PKD1L1: variants seen among roughly 807,000 people sequenced by gnomAD.
The protein encoded by PKD1L1 is polycystin 1 like 1, transient receptor potential channel interacting.
Under a neutral mutation model 323.4 loss-of-function variants are expected in PKD1L1, and 236 were observed. The observed-to-expected ratio is 0.73, with a 90% CI of 0.66 to 0.81. The LOEUF (loss-of-function observed/expected upper bound fraction) is 0.81, where lower values mean the gene tolerates loss of function less well. PKD1L1 is among the 40% of genes least tolerant of loss of function. The pLI, the probability that PKD1L1 is intolerant of heterozygous loss-of-function variation, is 0.00. For missense variants in PKD1L1, 3,320 were observed against 3,508.0 expected (o/e 0.95, Z 1.35); for synonymous variants, 1,344 against 1,335.0 (o/e 1.01, Z -0.15).
At chr7:47,836,347 G>A (rs999808819) in intron 37 of PKD1L1, among the ~76,000 whole-genome samples, 1 of 152,116 alleles carries the variant, frequency 6.6e-6, no homozygotes. Flanking sequence ...TGCATGAATG[G>A]CCATGATGTT....
intron 19 of PKD1L1, among the ~76,000 whole-genome samples, chr7:47,882,835 T>C (rs1009529509): frequency 6.6e-6 from 1 of 151,884 alleles, no homozygotes; most frequent in Non-Finnish European, 1.5e-5. Context: ...AACAGCCTGG[T>C]TTGTGGTGAA....
rs1369113055 is a variant in PKD1L1, at chr7:47,846,952, A to G, written c.5080T>C (p.Trp1694Arg). 6.2e-7 allele frequency: 1 copy of G among 1,613,896 alleles called. No individual in the cohort carries two copies. Among genetic ancestry groups the G allele is most frequent in the Non-Finnish European group, 8.5e-7 (1 of 1,179,912 alleles). ...VHFQWIRCLF[W>R]DKREWKSERF... ...TCAGATTTCCACTCTCTCTTGTCCCAAAACAGGCATCGGATCCACTGGAAA... is the reference window on the plus strand; with the variant it reads ...TCAGATTTCCACTCTCTCTTGTCCCGAAACAGGCATCGGATCCACTGGAAA... Residue 1694 changes from tryptophan to arginine, a missense_variant, in exon 32 of 57, where the codon TGG becomes CGG. By Grantham distance (101) the Trp-to-Arg change is moderately radical (BLOSUM62 -3). Transcript: ENST00000289672.
At chr7:47,790,589 C>T (rs906949629) in intron 56 of PKD1L1, among the ~76,000 whole-genome samples, 1 of 152,102 alleles carries the variant, frequency 6.6e-6, no homozygotes, top group African/African-American at 2.4e-5. Flanking sequence ...CCTCGGCCTC[C>T]CAAAGTGCTG....
intron 3 of PKD1L1, among the ~76,000 whole-genome samples, chr7:47,939,096 C>T (rs1449839959): frequency 6.6e-6 from 1 of 152,164 alleles, no homozygotes. Flanking sequence ...CACCTCTCCC[C>T]AACCTCCTGT....
chr7:47,775,882 T>C (rs939788071), intron 56 of PKD1L1, among the ~76,000 whole-genome samples: 9 of 148,964 alleles, frequency 6.0e-5, no homozygotes, highest in Admixed American at 1.3e-4. Flanking sequence ...ATCAATTAAA[T>C]TGACAAGCCT....
At chr7:47,874,094 G>T in intron 23 of PKD1L1, 84 bp from the exon 24 acceptor site, 1 of 843,704 alleles carries the variant, frequency 1.2e-6, no homozygotes, top group African/African-American at 1.7e-5. Context: ...GCATCTTCTG[G>T]ATGACTAAAA....
At position 47,813,279 on chromosome 7, in the gene PKD1L1, A is replaced by T. The variant is rs760873636; in HGVS notation, c.7188T>A (p.Phe2396Leu). The part of the protein sequence containing the change: ...PRHLCKPPRP[F>L]SALIEDSIPT... ...GAATAGAGTCTTCGATGAGTGCTGA[A>T]AATGGCCTGGGAGGCTGCAGAACAA... Residue 2396 changes from phenylalanine to leucine, a missense_variant, in exon 49 of 57, where the codon TTT (phenylalanine) becomes TTA (leucine). Coordinates refer to ENST00000289672, the MANE Select transcript of PKD1L1 (RefSeq NM_138295.5). The T allele has an allele frequency of 1.4e-5, 23 of 1,614,034 alleles. No homozygotes were observed. The highest frequency in any genetic ancestry group is 1.8e-5 in the Non-Finnish European group (21 of 1,180,026).
rs563093089 is a variant in PKD1L1 at position 47,922,520 on chromosome 7, G to A, written c.1060+6684C>T. On this transcript the variant is annotated intron_variant, in intron 7 of 56. Coordinates refer to ENST00000289672, the MANE Select transcript of PKD1L1 (RefSeq NM_138295.5). Reference sequence around the variant, plus strand: ...GGGATGTGGGGAGCACCTCTGCCCCGCCGCCCCGTCTGAGATGTGAAGAGC... The same window carrying A: ...GGGATGTGGGGAGCACCTCTGCCCCACCGCCCCGTCTGAGATGTGAAGAGC... Among the ~76,000 whole-genome samples the A allele has an allele frequency of 4.9e-3, 744 of 151,644 alleles. 6 individuals carry two copies. The highest frequency in any genetic ancestry group is 0.017 in the African/African-American group (688 of 41,250).
intron 26 of PKD1L1, among the ~76,000 whole-genome samples, chr7:47,861,320 C>G (rs923442683): frequency 6.6e-6 from 1 of 152,186 alleles, no homozygotes; most frequent in African/African-American, 2.4e-5. Flanking sequence ...AACAAAGTCA[C>G]GTACAAATTT....
chr7:47,895,678 T>C (rs1402613301), intron 14 of PKD1L1, among the ~76,000 whole-genome samples: 1 of 152,234 alleles, frequency 6.6e-6, no homozygotes, highest in Non-Finnish European at 1.5e-5. Context: ...TATAATTAGG[T>C]CTTTTATGTT....
chr7:47,839,421 G>A lies in PKD1L1; in HGVS notation c.5769+25C>T, dbSNP rs547670255. 8.9e-5 allele frequency: 140 copies of A among 1,579,840 alleles called. No homozygotes were observed. The highest frequency in any genetic ancestry group is 1.1e-4 in the Non-Finnish European group (129 of 1,158,586). ...TCTGCCGGTCAGCCAGGTGCGCCAC[G>A]AGAGGCCACCTGGAGGGAGCCTACC... On this transcript the variant is annotated intron_variant, in intron 36 of 56. Transcript: ENST00000289672. This position sits in a 1 kb window ranked among gnomAD's most constrained non-coding sequence, Gnocchi z 4.3.
chr7:47,882,128 T>C (rs745619227), intron 19 of PKD1L1, 43 bp from the exon 20 acceptor site: 1 of 1,589,500 alleles, frequency 6.3e-7, no homozygotes, highest in Admixed American at 1.8e-5. Flanking sequence ...AGAAAAAAAG[T>C]CATGATGATC....
chr7:47,815,441 A>G lies in PKD1L1; in HGVS notation c.6982T>C (p.Leu2328=). 1 of 1,614,042 alleles carries G rather than the reference A, an allele frequency of 6.2e-7. No individual in the cohort carries two copies. Among genetic ancestry groups the G allele is most frequent in the Non-Finnish European group, 8.5e-7 (1 of 1,179,976 alleles). The change falls in exon 47 of 57, where the codon TTG becomes CTG. Residue 2328 remains leucine, a synonymous_variant. Coordinates refer to ENST00000289672, the MANE Select transcript of PKD1L1 (RefSeq NM_138295.5). ...KEFTRNARNC[L]GGLRNIADWW... ...TCAGCGATGTTTCTCAGGCCACCCA[A>G]GCAGTTTCTGGCATTTCTTAATGCA...
At chr7:47,914,032 T>C (rs1787377715) in intron 8 of PKD1L1, among the ~76,000 whole-genome samples, 1 of 151,758 alleles carries the variant, frequency 6.6e-6, no homozygotes, top group South Asian at 2.1e-4. Context: ...GTAAAATTGG[T>C]GATAAAGAAG....
At chr7:47,812,139 G>A in intron 49 of PKD1L1, 88 bp from the exon 50 acceptor site, 2 of 1,104,776 alleles carry the variant, frequency 1.8e-6, no homozygotes, top group Non-Finnish European at 2.6e-6. Flanking sequence ...TCCCATGCTG[G>A]GAACACCCTA....
At chr7:47,837,959 C>A (rs969702784) in intron 36 of PKD1L1, among the ~76,000 whole-genome samples, 1 of 152,310 alleles carries the variant, frequency 6.6e-6, no homozygotes, top group South Asian at 2.1e-4. Context: ...GCAGCACACA[C>A]AAGTGCTCAT....
At chr7:47,873,636 G>A (rs1364887916) in intron 24 of PKD1L1, among the ~76,000 whole-genome samples, 5 of 138,920 alleles carry the variant, frequency 3.6e-5, no homozygotes, top group African/African-American at 1.1e-4. Flanking sequence ...GGTGACAGGC[G>A]GAGACTCTGT....
At chr7:47,857,546 C>A in intron 28 of PKD1L1, 59 bp downstream of exon 28, 1 of 1,461,968 alleles carries the variant, frequency 6.8e-7, no homozygotes, top group Non-Finnish European at 9.5e-7. Flanking sequence ...TCATTTAAGC[C>A]CAATTACTGC....
intron 10 of PKD1L1, 41 bp downstream of exon 10, chr7:47,905,802 G>T: frequency 1.9e-6 from 3 of 1,608,370 alleles, no homozygotes; most frequent in East Asian, 2.2e-5. Flanking sequence ...GACTGCGCGA[G>T]GGAGGTTTTT....
Sources: gnomAD v4.1 joint callset for allele counts (sites outside exome capture counted in the v4.1 genomes callset) on GRCh38, gnomAD v4.1.1 for gene constraint, Gnocchi (gnomAD v3.1) non-coding constraint, MANE v1.5 for transcripts, NCBI Gene and HGNC (gene_info 2026-07-23, HGNC 2026-07-21) for gene names.